Variants in ARHGAP11A observed in about 807,000 individuals in gnomAD.
The protein encoded by ARHGAP11A is Rho GTPase activating protein 11A, also known as rho GTPase-activating protein 11A.
In ARHGAP11A, 36 loss-of-function variants were observed where a neutral mutation model predicts 60.5. The ratio of observed to expected loss-of-function variants is 0.59; its 90% CI spans 0.46 to 0.79. The LOEUF (loss-of-function observed/expected upper bound fraction) is 0.79, where lower values mean the gene tolerates loss of function less well. Among genes scored for constraint, ARHGAP11A ranks in the 30% least tolerant of loss-of-function variants. The probability of loss-of-function intolerance (pLI) is 0.00; values close to 1 mark genes in which losing one functional copy is unlikely to be tolerated. For missense variants in ARHGAP11A, 1,071 were observed against 1,199.2 expected (o/e 0.89, Z 1.58); for synonymous variants, 362 against 415.5 (o/e 0.87, Z 1.57).
intron 8 of ARHGAP11A, among the ~76,000 whole-genome samples, chr15:32,632,013 T>A (rs2053598514): frequency 6.6e-6 from 1 of 152,204 alleles, no homozygotes; most frequent in Non-Finnish European, 1.5e-5. Context: ...AGCCCTAGAA[T>A]AAAGCTACTT....
At position 32,618,268 on chromosome 15, in the gene ARHGAP11A, A is replaced by AAT. The variant is rs1232699611; in HGVS notation, c.130-1838_130-1837dup. On this transcript the variant is annotated intron_variant, in intron 1 of 11. Transcript: ENST00000361627. ...ACTTGTGAGGCCAGTTATTCTAAAT[A>AAT]ATAAGACTTAAGGAAAAAAACACGC... Among the ~76,000 whole-genome samples, 3 of 142,238 alleles carry AAT rather than the reference A, an allele frequency of 2.1e-5. No individual in the cohort carries two copies. In the Admixed American group the frequency reaches 2.2e-4, roughly 10 times the overall value. 93.3% of individuals were successfully genotyped at this position (142,238 alleles called of 152,430 possible). A position where few individuals can be genotyped will look rare whatever the true frequency, so the allele number is the denominator to read the frequency against.
At chr15:32,636,145 A>G in intron 11 of ARHGAP11A, 112 bp from the exon 12 acceptor site, 1 of 1,436,026 alleles carries the variant, frequency 7.0e-7, no homozygotes, top group Non-Finnish European at 9.1e-7. Context: ...TTCTTGTAAC[A>G]CAAATACTTT....
intron 2 of ARHGAP11A, among the ~76,000 whole-genome samples, chr15:32,620,881 C>T (rs2053278741): frequency 6.6e-6 from 1 of 151,990 alleles, no homozygotes; most frequent in Non-Finnish European, 1.5e-5. Context: ...GTCTGGGCAA[C>T]AAAGCAAGAC....
chr15:32,617,851 C>T (rs1334007491), intron 1 of ARHGAP11A, among the ~76,000 whole-genome samples: 1 of 152,186 alleles, frequency 6.6e-6, no homozygotes, highest in Non-Finnish European at 1.5e-5. Flanking sequence ...TCCACCCCTA[C>T]TACATCTGTA....
At chr15:32,615,285 T>A (rs1040058303), upstream of ARHGAP11A, 3 of 152,084 alleles carry the variant, frequency 2.0e-5, no homozygotes, top group East Asian at 5.8e-4. Context: ...TTAAACAGTA[T>A]TCCCCCGCCC....
chr15:32,634,590 C>T (rs1259637689), intron 10 of ARHGAP11A, among the ~76,000 whole-genome samples: 1 of 152,210 alleles, frequency 6.6e-6, no homozygotes, highest in East Asian at 1.9e-4. Flanking sequence ...TGTCTCTTAA[C>T]ATCTGCTTTT....
chr15:32,622,312 G>A (rs1376395437), intron 2 of ARHGAP11A, among the ~76,000 whole-genome samples: 1 of 152,286 alleles, frequency 6.6e-6, no homozygotes, highest in Non-Finnish European at 1.5e-5. Flanking sequence ...CAGCTAGTCG[G>A]GAGGCTGAGG....
At chr15:32,635,175 G>T (rs2053676377) in intron 10 of ARHGAP11A, among the ~76,000 whole-genome samples, 1 of 152,168 alleles carries the variant, frequency 6.6e-6, no homozygotes, top group Non-Finnish European at 1.5e-5. Flanking sequence ...CTCTGCTCCA[G>T]TCTCAGAGAC....
At chr15:32,629,941 A>AGT (rs376208322) in intron 8 of ARHGAP11A, among the ~76,000 whole-genome samples, 179 bp downstream of exon 8, 20,094 of 101,612 alleles carry the variant, frequency 0.2, 3,396 homozygotes, top group African/African-American at 0.25. Context: ...GTTTCAATAT[A>AGT]GTGTGTGTGT....
Position 32,637,558 on chromosome 15 carries a change from T to C in ARHGAP11A, c.2785T>C (p.Leu929=), listed in dbSNP as rs983483642. 24 of 1,614,056 alleles carry C rather than the reference T, an allele frequency of 1.5e-5. No individual in the cohort carries two copies. The highest frequency in any genetic ancestry group is 1.9e-5 in the Non-Finnish European group (22 of 1,180,040). Residue 929 remains leucine, a synonymous_variant, in exon 12 of 12, where the codon TTA becomes CTA. Transcript: ENST00000361627. ...CATGGAGTTACCCTCGAAATCTTTC[T>C]TAAAGATGAGGAAGCACCCAGATTC... ...SSMELPSKSF[L]KMRKHPDSVN... is the part of the protein sequence containing the mutation.
chr15:32,637,547 C>T lies in ARHGAP11A; in HGVS notation c.2774C>T (p.Ser925Leu), dbSNP rs763115745. ...TCAAAGTCAAGCATGGAGTTACCCT[C>T]GAAATCTTTCTTAAAGATGAGGAAG... ...AISKSSMELP[S>L]KSFLKMRKHP... The change falls in exon 12 of 12, where the codon TCG becomes TTG. Residue 925 changes from serine to leucine, a missense_variant. Transcript: ENST00000361627. 1.5e-5 allele frequency: 24 copies of T among 1,613,924 alleles called. No individual in the cohort carries two copies. Among genetic ancestry groups the T allele is most frequent in the East Asian group, 8.9e-5 (4 of 44,892 alleles).
chr15:32,625,977 A>C (rs1401522398), intron 6 of ARHGAP11A, among the ~76,000 whole-genome samples: 7 of 152,070 alleles, frequency 4.6e-5, no homozygotes, highest in Admixed American at 1.3e-4. Context: ...CTAGATGAGA[A>C]GGATGCTATG....
intron 9 of ARHGAP11A, 32 bp downstream of exon 9, chr15:32,633,140 G>C (rs750722803): frequency 3.7e-6 from 6 of 1,611,534 alleles, no homozygotes; most frequent in Non-Finnish European, 5.1e-6. Context: ...GTTTTCATCG[G>C]ATAAATATTT....
intron 11 of ARHGAP11A, 149 bp downstream of exon 11, chr15:32,636,064 T>C (rs899000641): frequency 1.5e-5 from 20 of 1,377,708 alleles, no homozygotes; most frequent in Middle Eastern, 2.5e-4. Flanking sequence ...AATGTATTTT[T>C]CTATCAACAA....
rs568155645 is a variant in ARHGAP11A, at chr15:32,635,910, A to G, written c.1478A>G (p.Lys493Arg). Residue 493 changes from lysine to arginine, a missense_variant, in exon 11 of 12, where the codon AAG (lysine) becomes AGG (arginine). Transcript: ENST00000361627. The part of the protein sequence containing the change: ...FSPDVDEKLP[K>R]KGSEKISKSE... Reference sequence around the variant, plus strand: ...CCAGATGTTGATGAAAAGTTACCAAAGAAAGGTACATTTACATACTACTGT... The same window carrying G: ...CCAGATGTTGATGAAAAGTTACCAAGGAAAGGTACATTTACATACTACTGT... The G allele has an allele frequency of 1.9e-5, 30 of 1,608,782 alleles. No individual in the cohort carries two copies. Among genetic ancestry groups the G allele is most frequent in the Middle Eastern group, 1.7e-4 (1 of 6,048 alleles).
At position 32,635,909 on chromosome 15, in the gene ARHGAP11A, A is replaced by G. The variant is rs764105866; in HGVS notation, c.1477A>G (p.Lys493Glu). The part of the protein sequence containing the change: ...FSPDVDEKLP[K>E]KGSEKISKSE... ...CCCAGATGTTGATGAAAAGTTACCA[A>G]AGAAAGGTACATTTACATACTACTG... Residue 493 changes from lysine to glutamate, a missense_variant, in exon 11 of 12, where the codon AAG becomes GAG. Lys to Glu is a moderately conservative substitution (Grantham distance 56). Around this residue, in one of 4 missense-constraint regions of ARHGAP11A, gnomAD observed 776 missense variants for 760.2 expected, o/e 1.02. Coordinates refer to ENST00000361627, the MANE Select transcript of ARHGAP11A (RefSeq NM_014783.6). The G allele has an allele frequency of 6.2e-6, 10 of 1,608,440 alleles. No individual in the cohort carries two copies. Among genetic ancestry groups the G allele is most frequent in the Non-Finnish European group, 6.8e-6 (8 of 1,178,306 alleles).
intron 8 of ARHGAP11A, among the ~76,000 whole-genome samples, chr15:32,630,673 C>T (rs1204386002): frequency 6.6e-6 from 1 of 151,508 alleles, no homozygotes; most frequent in Non-Finnish European, 1.5e-5. Flanking sequence ...TTCTGTTGTC[C>T]AAAAGGGTTC....
At chr15:32,631,914 A>G (rs969047998) in intron 8 of ARHGAP11A, among the ~76,000 whole-genome samples, 2 of 152,120 alleles carry the variant, frequency 1.3e-5, no homozygotes, top group Non-Finnish European at 1.5e-5. Flanking sequence ...GCCTCAAGCA[A>G]TCCGCCCACC....
intron 8 of ARHGAP11A, among the ~76,000 whole-genome samples, chr15:32,631,187 A>G (rs532902844): frequency 3.2e-4 from 49 of 152,342 alleles, no homozygotes; most frequent in African/African-American, 8.2e-4. Context: ...CATTTGCAAA[A>G]TTGAAAATAG....
Sources: gnomAD v4.1 joint callset for allele counts (sites outside exome capture counted in the v4.1 genomes callset) on GRCh38, gnomAD v4.1.1 for gene constraint, gnomAD v4.1.1 regional missense constraint, MANE v1.5 for transcripts, NCBI Gene and HGNC (gene_info 2026-07-23, HGNC 2026-07-21) for gene names.